NIBAN2: variants seen among roughly 807,000 people sequenced by gnomAD.
NIBAN2 encodes the protein niban apoptosis regulator 2.
A neutral mutation model predicts 81.8 loss-of-function variants in NIBAN2; 36 were observed. That is an observed-to-expected ratio of 0.44 (90% CI 0.34 to 0.58). The LOEUF is 0.58. Ranked by LOEUF, NIBAN2 falls within the 20% of genes least tolerant of loss-of-function variation. The probability of loss-of-function intolerance (pLI) is 0.02; values close to 1 mark genes in which losing one functional copy is unlikely to be tolerated. For synonymous variants in NIBAN2, 445 were observed against 441.6 expected, an observed-to-expected ratio of 1.01 and a Z score of -0.10; for missense variants, 897 against 1,014.1, an observed-to-expected ratio of 0.88 and a Z score of 1.57.
At position 127,568,830 on chromosome 9, in the gene NIBAN2, C is replaced by T; in HGVS notation, c.45G>A (p.Gln15=). 1.5e-6 allele frequency: 2 copies of T among 1,368,998 alleles called. No individual in the cohort carries two copies. The highest frequency in any genetic ancestry group is 1.5e-5 in the South Asian group (1 of 64,568). 84.8% of individuals were successfully genotyped at this position (1,368,998 alleles called of 1,614,324 possible). The change falls in exon 1 of 14, where the codon CAG becomes CAA. Residue 15 remains glutamine (Q), a synonymous_variant. Transcript: ENST00000373312. ...LSTHLDDARR[Q]HIAEKTGKIL... ...CGGCGCGACCCTCACCTGCGATGTG[C>T]TGGCGCCGGGCGTCGTCCAGGTGCG...
Position 127,568,924 on chromosome 9 carries a change from GC to G in NIBAN2, c.-51del. ...CCGGCCGACGCCGCCGCTGTTGCCC[GC>G]GCTGCTCAGGCGGACGCCGCTGGCG... On this transcript the variant is annotated 5_prime_UTR_variant, in exon 1 of 14. Transcript: ENST00000373312. The G allele has an allele frequency of 8.1e-7, 1 of 1,230,932 alleles. No homozygotes were observed. The highest frequency in any genetic ancestry group is 1.0e-6 in the Non-Finnish European group (1 of 987,610). The allele number at this position is 1,230,932 out of a possible 1,614,324, so 76.3% of individuals were successfully genotyped here.
At chr9:127,556,155 C>G (rs1467162164) in intron 1 of NIBAN2, among the ~76,000 whole-genome samples, 1 of 152,172 alleles carries the variant, frequency 6.6e-6, no homozygotes, top group African/African-American at 2.4e-5. Context: ...CCTCGGGGCT[C>G]AAGGACAAGA....
intron 1 of NIBAN2, among the ~76,000 whole-genome samples, chr9:127,553,997 G>A (rs778106537): frequency 4.6e-5 from 7 of 152,006 alleles, no homozygotes; most frequent in African/African-American, 9.7e-5. Flanking sequence ...ACCCACGCCC[G>A]GCCTTCAGCA....
chr9:127,540,413 C>T (rs932643732), intron 1 of NIBAN2, among the ~76,000 whole-genome samples: 2 of 152,154 alleles, frequency 1.3e-5, no homozygotes, highest in African/African-American at 2.4e-5. Context: ...AGGCGTATCC[C>T]GGAGGGCCTC....
intron 9 of NIBAN2, 119 bp downstream of exon 9, chr9:127,510,027 C>T: frequency 1.1e-6 from 1 of 943,134 alleles, no homozygotes; most frequent in Admixed American, 2.6e-5. Context: ...CAGCCCCTCC[C>T]CGTCTACAGG....
intron 5 of NIBAN2, among the ~76,000 whole-genome samples, chr9:127,521,193 G>A (rs1292175827): frequency 6.6e-6 from 1 of 152,216 alleles, no homozygotes; most frequent in Non-Finnish European, 1.5e-5. Context: ...TGAATCCTCA[G>A]CTCACTGTGC....
intron 8 of NIBAN2, among the ~76,000 whole-genome samples, chr9:127,516,044 G>A (rs1396253873): frequency 1.3e-5 from 2 of 151,856 alleles, no homozygotes; most frequent in Non-Finnish European, 2.9e-5. Context: ...GGGTTGAAGT[G>A]GGAGGATGGT....
At chr9:127,534,433 A>G (rs1837237510) in intron 1 of NIBAN2, among the ~76,000 whole-genome samples, 1 of 152,218 alleles carries the variant, frequency 6.6e-6, no homozygotes, top group Non-Finnish European at 1.5e-5. Flanking sequence ...ATAAGGTCAC[A>G]CAGCCAGTGG....
At chr9:127,523,388 G>C (rs1836997688) in intron 5 of NIBAN2, among the ~76,000 whole-genome samples, 5 of 151,000 alleles carry the variant, frequency 3.3e-5, no homozygotes, top group Admixed American at 2.0e-4. Flanking sequence ...CACGTAGCTG[G>C]AAAATGGCAG....
chr9:127,533,966 C>T (rs1390438110), intron 1 of NIBAN2, among the ~76,000 whole-genome samples: 1 of 152,242 alleles, frequency 6.6e-6, no homozygotes, highest in Admixed American at 6.5e-5. Flanking sequence ...GCCTTGAAGG[C>T]AGGCCCAGGC....
chr9:127,571,189 C>G (rs987734479), upstream of NIBAN2, among the ~76,000 whole-genome samples: 6 of 148,436 alleles, frequency 4.0e-5, no homozygotes, highest in African/African-American at 1.6e-4. Flanking sequence ...AAGCCTGGAA[C>G]ACCCACAGCC....
At chr9:127,578,523 A>G (rs1177825817) in intron 1 of NIBAN2, among the ~76,000 whole-genome samples, 1 of 151,490 alleles carries the variant, frequency 6.6e-6, no homozygotes, top group Admixed American at 6.6e-5. Context: ...TTAGCTGGGC[A>G]TGGCGGTGGG....
intron 1 of NIBAN2, among the ~76,000 whole-genome samples, chr9:127,549,345 C>T (rs1442236538): frequency 2.0e-5 from 3 of 152,312 alleles, no homozygotes; most frequent in African/African-American, 7.2e-5. Flanking sequence ...CACTCACACT[C>T]ACATGCATGC....
At chr9:127,518,083 T>C in intron 5 of NIBAN2, 142 bp from the exon 6 acceptor site, 2 of 596,430 alleles carry the variant, frequency 3.4e-6, no homozygotes, top group Non-Finnish European at 5.9e-6. Context: ...ACTTTCCTCG[T>C]CATCAGAGCA....
chr9:127,565,979 CAA>C (rs1564321574), intron 1 of NIBAN2, among the ~76,000 whole-genome samples: 1 of 149,250 alleles, frequency 6.7e-6, no homozygotes, highest in East Asian at 2.0e-4. Context: ...CACACACACA[CAA>C]ATTAGCACGG....
chr9:127,542,969 C>T (rs1837408354), intron 1 of NIBAN2, among the ~76,000 whole-genome samples: 2 of 152,222 alleles, frequency 1.3e-5, no homozygotes, highest in Admixed American at 6.5e-5. Flanking sequence ...AGGTGATCCA[C>T]CCGCCTCAGC....
At chr9:127,524,418 G>A (rs1837021497) in intron 4 of NIBAN2, among the ~76,000 whole-genome samples, 1 of 152,210 alleles carries the variant, frequency 6.6e-6, no homozygotes, top group Non-Finnish European at 1.5e-5. Flanking sequence ...CTGGCTCTGG[G>A]TTGGCCTGTG....
chr9:127,510,622 A>C (rs1403812065), intron 8 of NIBAN2, among the ~76,000 whole-genome samples: 1 of 152,066 alleles, frequency 6.6e-6, no homozygotes, highest in Non-Finnish European at 1.5e-5. Flanking sequence ...TTTTTAGTAG[A>C]GACGGGGTTT....
chr9:127,526,731 GTCCT>G (rs2132180513), intron 3 of NIBAN2, among the ~76,000 whole-genome samples: 1 of 152,290 alleles, frequency 6.6e-6, no homozygotes, highest in South Asian at 2.1e-4. Flanking sequence ...CCCATAGGAT[GTCCT>G]TCTCGGACAC....
Sources: gnomAD v4.1 joint callset for allele counts (sites outside exome capture counted in the v4.1 genomes callset) on GRCh38, gnomAD v4.1.1 for gene constraint, MANE v1.5 for transcripts, NCBI Gene and HGNC (gene_info 2026-07-23, HGNC 2026-07-21) for gene names.